Variants in SORCS3 observed in about 807,000 individuals in gnomAD.
The protein encoded by SORCS3 is sortilin related VPS10 domain containing receptor 3, also known as VPS10 domain-containing receptor SorCS3.
In SORCS3, 57 loss-of-function variants were observed where a neutral mutation model predicts 146.3. The observed-to-expected ratio is 0.39, with a 90% CI of 0.31 to 0.49. The LOEUF (loss-of-function observed/expected upper bound fraction) is 0.49. SORCS3 is among the 20% of genes least tolerant of loss of function. The pLI is 0.92. For synonymous variants in SORCS3, 653 were observed against 618.5 expected (o/e 1.06, Z -0.83); for missense variants, 1,341 against 1,575.5 (o/e 0.85, Z 2.52).
rs1410938815 is a variant in SORCS3, at chr10:105,158,885, A to G, written c.1630-7A>G. ...CTAGAATGAAACTATTTCTTTCTCC[A>G]TTTTAGCCCTTCTGTTCCTTACATC... On this transcript the variant is annotated splice_polypyrimidine_tract_variant and splice_region_variant and intron_variant, in intron 10 of 26. Coordinates refer to ENST00000369701, the MANE Select transcript of SORCS3 (RefSeq NM_014978.3). 2 of 1,605,520 alleles carry G rather than the reference A, an allele frequency of 1.2e-6. No individual in the cohort carries two copies. Among genetic ancestry groups the G allele is most frequent in the East Asian group, 2.2e-5 (1 of 44,782 alleles).
chr10:104,730,378 T>G (rs2016692415), intron 1 of SORCS3, among the ~76,000 whole-genome samples: 1 of 152,194 alleles, frequency 6.6e-6, no homozygotes, highest in African/African-American at 2.4e-5. Context: ...CTGTGCTGCA[T>G]CTCTTGCATT....
At chr10:105,013,122 A>G (rs1279484818) in intron 4 of SORCS3, among the ~76,000 whole-genome samples, 3 of 152,196 alleles carry the variant, frequency 2.0e-5, no homozygotes, top group Non-Finnish European at 2.9e-5. Flanking sequence ...CAGTCTCTCA[A>G]TTGACTCATG....
intron 1 of SORCS3, among the ~76,000 whole-genome samples, chr10:104,713,941 G>C (rs1396561240): frequency 1.3e-5 from 2 of 152,038 alleles, no homozygotes; most frequent in Admixed American, 1.3e-4. Flanking sequence ...ACAGAAATAG[G>C]GATATTCAAG....
At chr10:104,840,147 A>T (rs937404996) in intron 1 of SORCS3, among the ~76,000 whole-genome samples, 1 of 152,120 alleles carries the variant, frequency 6.6e-6, no homozygotes, top group Non-Finnish European at 1.5e-5. Context: ...TGCTTAGTCA[A>T]TTATGCTTCC....
intron 1 of SORCS3, among the ~76,000 whole-genome samples, chr10:104,734,242 C>A (rs2016742814): frequency 1.3e-5 from 2 of 152,198 alleles, no homozygotes; most frequent in Admixed American, 6.5e-5. Context: ...ATTAGAGATG[C>A]AATTCTTTAT....
intron 6 of SORCS3, among the ~76,000 whole-genome samples, chr10:105,101,445 G>A (rs1465131991): frequency 6.6e-6 from 1 of 152,156 alleles, no homozygotes; most frequent in Non-Finnish European, 1.5e-5. Flanking sequence ...AAAAATAAAA[G>A]CATTGAGACT....
intron 1 of SORCS3, among the ~76,000 whole-genome samples, chr10:104,811,988 T>A (rs1027835918): frequency 1.3e-5 from 2 of 152,170 alleles, no homozygotes; most frequent in East Asian, 1.9e-4. Context: ...CATACATTTA[T>A]ATAAACAAAA....
chr10:104,991,843 CT>C (rs1210500672), intron 4 of SORCS3, among the ~76,000 whole-genome samples: 1 of 152,124 alleles, frequency 6.6e-6, no homozygotes, highest in East Asian at 1.9e-4. Flanking sequence ...GGATTAGGGC[CT>C]GCTCTAATAA....
chr10:104,854,367 T>C (rs1003708417), intron 2 of SORCS3, among the ~76,000 whole-genome samples: 13 of 152,156 alleles, frequency 8.5e-5, no homozygotes, highest in Non-Finnish European at 2.9e-5. Flanking sequence ...CTGGGATGAG[T>C]GTGCCATTTG....
intron 4 of SORCS3, among the ~76,000 whole-genome samples, chr10:104,995,569 T>C (rs1479691819): frequency 1.3e-5 from 2 of 152,198 alleles, no homozygotes; most frequent in Non-Finnish European, 2.9e-5. Context: ...TTTCTATCTA[T>C]ATGTTTTCTA....
rs1367863465 is a variant in SORCS3 at position 105,247,155 on chromosome 10, C to T, written c.2993-64C>T. ...AAAGCACAGTGATGGTGGAGCTCCA[C>T]ACCTGTCACACCCTCTCTCTTCTCA... On this transcript the variant is annotated intron_variant, in intron 21 of 26. Transcript: ENST00000369701. 4.8e-6 allele frequency: 4 copies of T among 835,844 alleles called. No homozygotes were observed. In the Admixed American group the frequency reaches 6.6e-5, roughly 14 times the overall value. The allele number at this position is 835,844 out of a possible 1,614,324, so 51.8% of individuals were successfully genotyped here. A position where few individuals can be genotyped will look rare whatever the true frequency, so the allele number is the denominator to read the frequency against.
intron 4 of SORCS3, among the ~76,000 whole-genome samples, chr10:105,009,781 G>GA (rs1220407709): frequency 1.3e-5 from 2 of 151,214 alleles, no homozygotes; most frequent in African/African-American, 2.4e-5. Context: ...AAAACTGAAG[G>GA]AAAACCTAGC....
At chr10:105,002,274 G>C (rs1212692478) in intron 4 of SORCS3, among the ~76,000 whole-genome samples, 3 of 152,146 alleles carry the variant, frequency 2.0e-5, no homozygotes, top group Non-Finnish European at 4.4e-5. Flanking sequence ...TTCATATGAA[G>C]CCGTTTCTCA....
intron 5 of SORCS3, among the ~76,000 whole-genome samples, chr10:105,055,678 A>G (rs565668917): frequency 6.6e-6 from 1 of 152,218 alleles, no homozygotes; most frequent in Non-Finnish European, 1.5e-5. Flanking sequence ...ACATAGCATC[A>G]CTTTGAAACT....
At chr10:104,867,777 C>T (rs961139063) in intron 2 of SORCS3, among the ~76,000 whole-genome samples, 3 of 152,184 alleles carry the variant, frequency 2.0e-5, no homozygotes, top group South Asian at 2.1e-4. Flanking sequence ...CCTTCAAAGG[C>T]ATGCATGATC....
chr10:105,067,425 G>A (rs2055529573), intron 5 of SORCS3, among the ~76,000 whole-genome samples: 1 of 152,226 alleles, frequency 6.6e-6, no homozygotes. Context: ...TACTCAGGAG[G>A]TTGAGACAGG....
rs151297621 is a variant in SORCS3 at position 104,746,041 on chromosome 10, A to C, written c.628-96751A>C. 2.7e-4 allele frequency among the ~76,000 whole-genome samples: 41 copies of C among 152,290 alleles called. No individual in the cohort carries two copies. In the East Asian group the frequency reaches 7.7e-3, roughly 29 times the overall value. Reference sequence around the variant, plus strand: ...TAAGTACATACTTATTTGGGGGAAGAAATTATGACCCAATTTATTTTGAAG... The same window carrying C: ...TAAGTACATACTTATTTGGGGGAAGCAATTATGACCCAATTTATTTTGAAG... On this transcript the variant is annotated intron_variant, in intron 1 of 26. Coordinates refer to ENST00000369701, the MANE Select transcript of SORCS3 (RefSeq NM_014978.3).
intron 1 of SORCS3, among the ~76,000 whole-genome samples, chr10:104,785,075 G>A (rs1335517401): frequency 6.6e-6 from 1 of 151,364 alleles, no homozygotes; most frequent in East Asian, 1.9e-4. Context: ...CGGGCAGGGG[G>A]GCTGACCCCC....
Position 104,657,378 on chromosome 10 carries a change from G to A in SORCS3, c.627+15424G>A, listed in dbSNP as rs2015644099. 3.9e-5 allele frequency among the ~76,000 whole-genome samples: 6 copies of A among 152,310 alleles called. No individual in the cohort carries two copies. The South Asian group carries it at 1.0e-3, about 26-fold the overall frequency. ...TTTATTTTGCAGCGTTTTTGCAGCA[G>A]GTAAAATCAATAGAACTTGAGAGAT... On this transcript the variant is annotated intron_variant, in intron 1 of 26. Coordinates refer to ENST00000369701, the MANE Select transcript of SORCS3 (RefSeq NM_014978.3).
Sources: gnomAD v4.1 joint callset for allele counts (sites outside exome capture counted in the v4.1 genomes callset) on GRCh38, gnomAD v4.1.1 for gene constraint, MANE v1.5 for transcripts, NCBI Gene and HGNC (gene_info 2026-07-23, HGNC 2026-07-21) for gene names.